The following EMILIN2 variants were observed in gnomAD, a reference collection of about 807,000 sequenced individuals.
EMILIN2 encodes the protein EMILIN-2.
A neutral mutation model predicts 87.1 loss-of-function variants in EMILIN2; 71 were observed. The ratio of observed to expected loss-of-function variants is 0.82; its 90% CI spans 0.67 to 0.99. The LOEUF (loss-of-function observed/expected upper bound fraction) is 0.99. Ranked by LOEUF, EMILIN2 falls within the 50% of genes least tolerant of loss-of-function variation. EMILIN2 has a pLI of 0.00. For synonymous variants in EMILIN2, 581 were observed against 563.4 expected, an observed-to-expected ratio of 1.03 and a Z score of -0.44; for missense variants, 1,407 against 1,371.8, an observed-to-expected ratio of 1.03 and a Z score of -0.40.
intron 7 of EMILIN2, 58 bp from the exon 8 acceptor site, chr18:2,913,009 C>A: frequency 6.4e-7 from 1 of 1,573,768 alleles, no homozygotes. Context: ...CCACTTACTA[C>A]CATGGCAAGG....
chr18:2,913,286 A>G lies in EMILIN2; in HGVS notation c.3044A>G (p.Lys1015Arg), dbSNP rs1598509254. The change falls in exon 8 of 8, where the codon AAG (lysine) becomes AGG (arginine). Residue 1015 changes from lysine (K) to arginine (R), a missense_variant. Lys to Arg is a conservative substitution (Grantham distance 26). Transcript: ENST00000254528. ...PGAFHLIVHL[K>R]AGDAVNVVVT... ...GCATTCCACCTCATCGTGCACCTGA[A>G]GGCGGGAGATGCAGTCAACGTCGTG... 2 of 1,613,408 alleles carry G rather than the reference A, an allele frequency of 1.2e-6. No homozygotes were observed. The highest frequency in any genetic ancestry group is 1.7e-6 in the Non-Finnish European group (2 of 1,179,494).
rs2076954450 is a variant in EMILIN2 at position 2,913,941 on chromosome 18, G to C, written c.*537G>C. 6.5e-6 allele frequency: 1 copy of C among 154,394 alleles called. No individual in the cohort carries two copies. Among genetic ancestry groups the C allele is most frequent in the African/African-American group, 2.4e-5 (1 of 41,474 alleles). 9.6% of individuals were successfully genotyped at this position (154,394 alleles called of 1,614,324 possible). Reference sequence around the variant, plus strand: ...TGCCGCCTGGGACTTAACCTGCTCAGGCGGGCCTTCGCCCAGCTGCAAATA... The same window carrying C: ...TGCCGCCTGGGACTTAACCTGCTCACGCGGGCCTTCGCCCAGCTGCAAATA... On this transcript the variant is annotated 3_prime_UTR_variant, in exon 8 of 8. Coordinates refer to ENST00000254528, the MANE Select transcript of EMILIN2 (RefSeq NM_032048.3).
At chr18:2,883,039 T>C (rs1233166612) in intron 2 of EMILIN2, among the ~76,000 whole-genome samples, 3 of 152,120 alleles carry the variant, frequency 2.0e-5, no homozygotes, top group Non-Finnish European at 4.4e-5. Context: ...TACTTATCTC[T>C]ACAAAACAAA....
At chr18:2,888,643 A>G (rs1476750579) in intron 3 of EMILIN2, among the ~76,000 whole-genome samples, 2 of 150,002 alleles carry the variant, frequency 1.3e-5, no homozygotes, top group Non-Finnish European at 3.0e-5. Flanking sequence ...TGAACCCAAG[A>G]GGCAGAGCTT....
intron 2 of EMILIN2, among the ~76,000 whole-genome samples, chr18:2,855,695 C>T (rs1308565599): frequency 3.3e-5 from 5 of 152,172 alleles, no homozygotes; most frequent in Admixed American, 1.3e-4. Context: ...GAAGAGTTGT[C>T]CTACAGCCTG....
intron 2 of EMILIN2, among the ~76,000 whole-genome samples, chr18:2,863,308 T>C (rs1471727031): frequency 3.3e-5 from 5 of 152,196 alleles, no homozygotes; most frequent in African/African-American, 1.2e-4. Context: ...TTAATTGTGA[T>C]GTTAGGGTGT....
chr18:2,887,181 T>TC (rs2076807264), intron 3 of EMILIN2, among the ~76,000 whole-genome samples: 3 of 151,906 alleles, frequency 2.0e-5, no homozygotes, highest in Non-Finnish European at 2.9e-5. Flanking sequence ...GCTCAGTTTT[T>TC]CTCTAGCTTC....
At chr18:2,865,783 G>A (rs1457009319) in intron 2 of EMILIN2, among the ~76,000 whole-genome samples, 2 of 152,208 alleles carry the variant, frequency 1.3e-5, no homozygotes, top group Non-Finnish European at 2.9e-5. Context: ...GCTGCCTTTT[G>A]TTTGGCTATG....
At chr18:2,889,773 A>G (rs904035535) in intron 3 of EMILIN2, among the ~76,000 whole-genome samples, 1 of 138,356 alleles carries the variant, frequency 7.2e-6, no homozygotes, top group Admixed American at 8.3e-5. Context: ...GGCTCACGCC[A>G]TCTTCCTGCC....
chr18:2,906,661 G>T, intron 4 of EMILIN2, 122 bp from the exon 5 acceptor site: 1 of 764,522 alleles, frequency 1.3e-6, no homozygotes. Flanking sequence ...GACGTCGCAG[G>T]GGTGGCCGCA....
intron 4 of EMILIN2, among the ~76,000 whole-genome samples, chr18:2,900,430 C>G (rs1008064479): frequency 6.6e-6 from 1 of 152,194 alleles, no homozygotes; most frequent in African/African-American, 2.4e-5. Context: ...TCAAGCAATC[C>G]TCCCACTGCA....
intron 2 of EMILIN2, among the ~76,000 whole-genome samples, chr18:2,859,054 A>G (rs2076647325): frequency 6.6e-6 from 1 of 152,068 alleles, no homozygotes; most frequent in African/African-American, 2.4e-5. Flanking sequence ...TTTTCATATA[A>G]TGACTTCTTT....
chr18:2,890,765 A>G lies in EMILIN2; in HGVS notation c.638A>G (p.Lys213Arg), dbSNP rs2076831203. Residue 213 changes from lysine (K) to arginine (R), a missense_variant, in exon 4 of 8, where the codon AAA becomes AGA. Transcript: ENST00000254528. The surrounding 1 kb of genome is among the most constrained non-coding windows in gnomAD (Gnocchi z 4.7). ...CTTGCTGGAGTGAGTGAAAATCTCA[A>G]ACATGCCACTCAGGATGATGCCAGT... ...SSLAGVSENL[K>R]HATQDDASRT... is the part of the protein sequence containing the mutation. 1.9e-6 allele frequency: 3 copies of G among 1,613,778 alleles called. No individual in the cohort carries two copies. The highest frequency in any genetic ancestry group is 2.5e-6 in the Non-Finnish European group (3 of 1,179,912).
chr18:2,906,301 T>TGAGCCCTCCTCACGGCCTCCGCGCAGCCC (rs2076911866), intron 4 of EMILIN2: 1 of 153,046 alleles, frequency 6.5e-6, no homozygotes, highest in South Asian at 2.1e-4. Context: ...TCGTGGAGCC[T>TGAGCCCTCCTCACGGCCTCCGCGCAGCCC]GAGCCCTCCT....
At position 2,910,940 on chromosome 18, in the gene EMILIN2, T is replaced by C. The variant is rs930561998; in HGVS notation, c.2824+1121T>C. ...GAACGCCACTTACTTTCCACCGCCA[T>C]GTAGCTTCCTCCTGGGCCCCACAGA... On this transcript the variant is annotated intron_variant, in intron 7 of 7. Transcript: ENST00000254528. Among the ~76,000 whole-genome samples the C allele has an allele frequency of 3.3e-5, 5 of 152,224 alleles. No individual in the cohort carries two copies. The South Asian group carries it at 8.3e-4, about 25-fold the overall frequency.
Position 2,909,702 on chromosome 18 carries a change from C to G in EMILIN2, c.2707C>G (p.Pro903Ala), listed in dbSNP as rs56288451. 4 of 1,613,926 alleles carry G rather than the reference C, an allele frequency of 2.5e-6. No individual in the cohort carries two copies. The South Asian group carries it at 4.4e-5, about 18-fold the overall frequency. The change falls in exon 7 of 8, where the codon CCT (proline) becomes GCT (alanine). Residue 903 changes from proline to alanine, a missense_variant. Coordinates refer to ENST00000254528, the MANE Select transcript of EMILIN2 (RefSeq NM_032048.3). Reference protein sequence around the residue: ...PPVASPGAPVPSLVSFSAGLT... With the variant: ...PPVASPGAPVASLVSFSAGLT... Reference sequence around the variant, plus strand: ...TTTCTCTGCTCCAGGAGCTCCGGTGCCTTCTCTGGTGTCTTTTTCTGCGGG... The same window carrying G: ...TTTCTCTGCTCCAGGAGCTCCGGTGGCTTCTCTGGTGTCTTTTTCTGCGGG...
chr18:2,901,297 G>A (rs1453673839), intron 4 of EMILIN2, among the ~76,000 whole-genome samples: 1 of 152,218 alleles, frequency 6.6e-6, no homozygotes, highest in Non-Finnish European at 1.5e-5. Context: ...GCTGCTCAGG[G>A]CTCTTGCAGA....
intron 2 of EMILIN2, among the ~76,000 whole-genome samples, chr18:2,857,871 CCCACTCCA>C (rs981107534): frequency 6.6e-6 from 1 of 152,202 alleles, no homozygotes; most frequent in African/African-American, 2.4e-5. Context: ...GGTCAGGGCC[CCCACTCCA>C]CCACGATGGG....
intron 2 of EMILIN2, among the ~76,000 whole-genome samples, chr18:2,882,357 C>T (rs915535374): frequency 3.9e-5 from 6 of 152,134 alleles, no homozygotes; most frequent in African/African-American, 1.4e-4. Context: ...ACCCCAGACC[C>T]CTTAAATCAA....
Sources: allele counts gnomAD v4.1 joint callset (sites outside exome capture counted in the v4.1 genomes callset), GRCh38; gene constraint gnomAD v4.1.1; non-coding constraint Gnocchi (gnomAD v3.1); transcripts MANE v1.5; gene names NCBI Gene and HGNC (gene_info 2026-07-23, HGNC 2026-07-21).